ZNF43: variants seen among roughly 807,000 people sequenced by gnomAD.
ZNF43 encodes the protein zinc finger protein 43, also known as zinc finger protein 39-like 1 (KOX 27).
Under a neutral mutation model 68.4 loss-of-function variants are expected in ZNF43, and 44 were observed. The ratio of observed to expected loss-of-function variants is 0.64; its 90% CI spans 0.51 to 0.83. The LOEUF is 0.83. ZNF43 is among the 40% of genes least tolerant of loss of function. The probability of loss-of-function intolerance (pLI) is 0.00; values close to 1 mark genes in which losing one functional copy is unlikely to be tolerated. For synonymous variants in ZNF43, 308 were observed against 307.8 expected (o/e 1.00, Z -0.01); for missense variants, 896 against 933.2 (o/e 0.96, Z 0.52).
intron 1 of ZNF43, among the ~76,000 whole-genome samples, chr19:21,833,774 T>A (rs762507082): frequency 1.3e-4 from 19 of 151,974 alleles, no homozygotes; most frequent in Non-Finnish European, 2.6e-4. Context: ...ATGCCTATAA[T>A]CTCAGCACTT....
rs367555667 is a variant in ZNF43, at chr19:21,836,090, C to T, written c.-52G>A. ...TCTTAGCTGTGGATCCCCCAATACC[C>T]GCAGGTCACAGAGCCACAGAGGCTG... On this transcript the variant is annotated 5_prime_UTR_variant, in exon 1 of 4. Coordinates refer to ENST00000354959, the MANE Select transcript of ZNF43 (RefSeq NM_003423.4). 23 of 1,612,794 alleles carry T rather than the reference C, an allele frequency of 1.4e-5. No individual in the cohort carries two copies. Among genetic ancestry groups the T allele is most frequent in the African/African-American group, 9.3e-5 (7 of 74,900 alleles).
chr19:21,820,577 C>CAA (rs372329413), intron 1 of ZNF43, among the ~76,000 whole-genome samples: 39 of 118,666 alleles, frequency 3.3e-4, no homozygotes, highest in African/African-American at 9.5e-4. Context: ...GACTCTGTCT[C>CAA]AAAAAAAAAA....
At chr19:21,829,190 C>A (rs760320703) in intron 1 of ZNF43, among the ~76,000 whole-genome samples, 5 of 151,788 alleles carry the variant, frequency 3.3e-5, no homozygotes, top group Non-Finnish European at 7.4e-5. Flanking sequence ...TGCCACTGCA[C>A]TCGAGCCTGG....
In ZNF43 at chr19:21,843,464, C is replaced by T. The variant is rs574918346; in HGVS notation, c.30+8441G>A. On this transcript the variant is annotated intron_variant, in intron 1 of 3. Transcript: ENST00000357491. ...TAGATGAATCCATGCATAACAACCT[C>T]AATCTCTTCTGCGGACTGTGTCTCT... 5.9e-6 allele frequency: 5 copies of T among 843,642 alleles called. No homozygotes were observed. The Admixed American group carries it at 2.5e-4, about 42-fold the overall frequency. 52.3% of individuals were successfully genotyped at this position (843,642 alleles called of 1,614,324 possible).
chr19:21,851,928 C>T, exon 1 of ZNF43: 1 of 1,577,158 alleles, frequency 6.3e-7, no homozygotes, highest in Non-Finnish European at 8.6e-7. Context: ...CCAGGATGTC[C>T]GGGCATCTTA....
At chr19:21,848,861 C>A (rs368177529) in intron 1 of ZNF43, among the ~76,000 whole-genome samples, 1 of 141,438 alleles carries the variant, frequency 7.1e-6, no homozygotes, top group South Asian at 2.3e-4. Context: ...GAGCTGTGTT[C>A]GCTCTGGCCC....
chr19:21,815,331 T>C (rs998821943), intron 3 of ZNF43, among the ~76,000 whole-genome samples: 9 of 151,996 alleles, frequency 5.9e-5, no homozygotes, highest in Admixed American at 5.9e-4. Flanking sequence ...AAATGCAGTA[T>C]AATCATAAAT....
chr19:21,817,795 C>G, intron 3 of ZNF43, 93 bp downstream of exon 3: 1 of 1,327,242 alleles, frequency 7.5e-7, no homozygotes, highest in Non-Finnish European at 1.1e-6. Flanking sequence ...CTTTGGAACA[C>G]AGCTTCCCAA....
At chr19:21,839,407 A>C (rs927595725), upstream of ZNF43, among the ~76,000 whole-genome samples, 1 of 148,242 alleles carries the variant, frequency 6.7e-6, no homozygotes, top group Non-Finnish European at 1.5e-5. Context: ...CAAGCACCCC[A>C]GTGGACAAGG....
At chr19:21,848,293 G>T (rs143105155) in intron 1 of ZNF43, among the ~76,000 whole-genome samples, 11 of 152,148 alleles carry the variant, frequency 7.2e-5, no homozygotes, top group African/African-American at 2.7e-4. Flanking sequence ...ACAGGCATGC[G>T]CCACCACACG....
Position 21,806,286 on chromosome 19 carries a change from C to T in ZNF43, c.*1321G>A, listed in dbSNP as rs1363014616. On this transcript the variant is annotated 3_prime_UTR_variant, in exon 4 of 4. Transcript: ENST00000354959. Reference sequence around the variant, plus strand: ...CCACTTTCCAGGTTCAAGTGATTCTCCTGCTTCAGCCTTTGAAGTAGCTGG... The same window carrying T: ...CCACTTTCCAGGTTCAAGTGATTCTTCTGCTTCAGCCTTTGAAGTAGCTGG... The T allele has an allele frequency of 6.6e-6, 1 of 151,178 alleles. No homozygotes were observed. Among genetic ancestry groups the T allele is most frequent in the Admixed American group, 6.6e-5 (1 of 15,152 alleles). The allele number at this position is 151,178 out of a possible 1,614,324, so 9.4% of individuals were successfully genotyped here.
At chr19:21,834,702 G>A (rs1284301386) in intron 1 of ZNF43, among the ~76,000 whole-genome samples, 1 of 151,628 alleles carries the variant, frequency 6.6e-6, no homozygotes, top group Non-Finnish European at 1.5e-5. Flanking sequence ...GCAATGAGCT[G>A]AGATTGCACC....
At position 21,830,017 on chromosome 19, in the gene ZNF43, C is replaced by T. The variant is rs921346237; in HGVS notation, c.3+6019G>A. 7.2e-5 allele frequency among the ~76,000 whole-genome samples: 11 copies of T among 151,894 alleles called. No homozygotes were observed. In the South Asian group the frequency reaches 8.3e-4, roughly 11 times the overall value. ...CTGTAATCGCAGCATTTTGGGAGGC[C>T]GAGGTGGGCAGATCACTTGAGGTCT... On this transcript the variant is annotated intron_variant, in intron 1 of 3. Coordinates refer to ENST00000354959, the MANE Select transcript of ZNF43 (RefSeq NM_003423.4).
At chr19:21,813,499 T>C (rs1334708056) in intron 3 of ZNF43, among the ~76,000 whole-genome samples, 4 of 152,062 alleles carry the variant, frequency 2.6e-5, no homozygotes, top group Non-Finnish European at 5.9e-5. Context: ...AAATAGAAAA[T>C]CTTGCCTCAT....
chr19:21,833,585 C>T (rs1274336972), intron 1 of ZNF43, among the ~76,000 whole-genome samples: 1 of 151,550 alleles, frequency 6.6e-6, no homozygotes, highest in Non-Finnish European at 1.5e-5. Flanking sequence ...CACTGTAGCA[C>T]ACATAGCCAT....
intron 1 of ZNF43, among the ~76,000 whole-genome samples, chr19:21,834,781 G>A (rs1320795827): frequency 1.3e-5 from 2 of 151,032 alleles, no homozygotes; most frequent in Non-Finnish European, 3.0e-5. Flanking sequence ...TGGAAGGAAG[G>A]AAGGAAGGAA....
At chr19:21,812,008 C>T (rs926593609) in intron 3 of ZNF43, 25 of 398,484 alleles carry the variant, frequency 6.3e-5, no homozygotes, top group Non-Finnish European at 9.7e-5. Flanking sequence ...CACTATACCT[C>T]GAAATTACTG....
chr19:21,843,716 G>A (rs901556692), intron 1 of ZNF43, among the ~76,000 whole-genome samples: 1 of 152,130 alleles, frequency 6.6e-6, no homozygotes, highest in Non-Finnish European at 1.5e-5. Context: ...TTGAACATGG[G>A]AGGTGGAGTG....
intron 1 of ZNF43, among the ~76,000 whole-genome samples, chr19:21,819,958 G>C (rs2037716970): frequency 1.3e-5 from 2 of 151,932 alleles, no homozygotes; most frequent in South Asian, 4.2e-4. Flanking sequence ...TAGCACTTTG[G>C]GAGGCTGAGG....
Sources: allele counts gnomAD v4.1 joint callset (sites outside exome capture counted in the v4.1 genomes callset), GRCh38; gene constraint gnomAD v4.1.1; transcripts MANE v1.5; gene names NCBI Gene and HGNC (gene_info 2026-07-23, HGNC 2026-07-21).